GRID2: variants seen among roughly 807,000 people sequenced by gnomAD.
GRID2 encodes glutamate receptor ionotropic, delta-2.
In GRID2, 33 loss-of-function variants were observed where a neutral mutation model predicts 114.8. The ratio of observed to expected loss-of-function variants is 0.29; its 90% CI spans 0.22 to 0.38. The LOEUF (loss-of-function observed/expected upper bound fraction) is 0.38, where lower values mean the gene tolerates loss of function less well. Among genes scored for constraint, GRID2 ranks in the 10% least tolerant of loss-of-function variants. The pLI, the probability that GRID2 is intolerant of heterozygous loss-of-function variation, is 1.00. For missense variants in GRID2, 1,184 were observed against 1,257.7 expected (o/e 0.94, Z 0.89); for synonymous variants, 505 against 449.9 (o/e 1.12, Z -1.55).
chr4:93,259,236 G>A (rs751538522), intron 8 of GRID2, among the ~76,000 whole-genome samples: 22 of 151,774 alleles, frequency 1.4e-4, no homozygotes, highest in Non-Finnish European at 2.4e-4. Flanking sequence ...GCACCATGCA[G>A]AATTAAGATC....
intron 12 of GRID2, among the ~76,000 whole-genome samples, chr4:93,514,860 T>C (rs1280221350): frequency 6.6e-6 from 1 of 152,220 alleles, no homozygotes; most frequent in Non-Finnish European, 1.5e-5. Context: ...TTGAAAGTTT[T>C]TTAAATTACT....
chr4:93,453,356 G>GAGAGAGAGAA (rs1256895951), intron 10 of GRID2, among the ~76,000 whole-genome samples: 1 of 129,086 alleles, frequency 7.7e-6, no homozygotes, highest in African/African-American at 2.7e-5. Flanking sequence ...GAGAGAGAGA[G>GAGAGAGAGAA]AGAGTGTGTG....
At chr4:92,470,123 TG>T (rs1721961071) in intron 1 of GRID2, among the ~76,000 whole-genome samples, 1 of 151,850 alleles carries the variant, frequency 6.6e-6, no homozygotes, top group Admixed American at 6.6e-5. Flanking sequence ...TAACACAGGA[TG>T]GACTAGAAGA....
In GRID2 at chr4:92,748,667, A is replaced by C. The variant is rs531044629; in HGVS notation, c.244+158381A>C. ...TATTATTATTATTATTATTATTATT[A>C]TTATTATTATTTGAGATGGAGTTTC... On this transcript the variant is annotated intron_variant, in intron 2 of 15. Coordinates refer to ENST00000282020, the MANE Select transcript of GRID2 (RefSeq NM_001510.4). Among the ~76,000 whole-genome samples the C allele has an allele frequency of 2.4e-3, 345 of 143,806 alleles. 1 individual carries two copies. The highest frequency in any genetic ancestry group is 3.3e-3 in the Non-Finnish European group (217 of 66,030). The allele number at this position is 143,806 out of a possible 152,430, so 94.3% of individuals were successfully genotyped here.
chr4:93,688,484 A>G (rs1275871598), intron 14 of GRID2, among the ~76,000 whole-genome samples: 2 of 152,072 alleles, frequency 1.3e-5, no homozygotes, highest in Non-Finnish European at 2.9e-5. Flanking sequence ...TTCAAAAGGT[A>G]AAACCATTTT....
intron 2 of GRID2, among the ~76,000 whole-genome samples, chr4:92,999,214 G>A (rs539181237): frequency 6.6e-5 from 10 of 151,792 alleles, no homozygotes; most frequent in Admixed American, 2.0e-4. Context: ...TTATTCTTGT[G>A]TACTTTTCTA....
At chr4:92,566,279 T>G (rs1727330285) in intron 1 of GRID2, among the ~76,000 whole-genome samples, 1 of 151,968 alleles carries the variant, frequency 6.6e-6, no homozygotes, top group Non-Finnish European at 1.5e-5. Context: ...AATATGGAAA[T>G]ATTTCTGTTT....
chr4:93,189,782 C>T (rs1044179669), intron 4 of GRID2, among the ~76,000 whole-genome samples: 8 of 140,746 alleles, frequency 5.7e-5, no homozygotes, highest in Admixed American at 5.0e-4. Flanking sequence ...ACCACACACA[C>T]ACACACACAC....
chr4:93,305,533 T>C (rs1462483343), intron 8 of GRID2, among the ~76,000 whole-genome samples: 1 of 152,132 alleles, frequency 6.6e-6, no homozygotes, highest in Non-Finnish European at 1.5e-5. Context: ...GAGAGAGGTT[T>C]AATTGAAGAA....
At chr4:93,538,409 A>G (rs1732318435) in intron 13 of GRID2, among the ~76,000 whole-genome samples, 1 of 151,828 alleles carries the variant, frequency 6.6e-6, no homozygotes. Flanking sequence ...TTGAATAAAA[A>G]AAGTGGGAGA....
chr4:92,482,032 AT>A (rs1478097612), intron 1 of GRID2, among the ~76,000 whole-genome samples: 128 of 72,680 alleles, frequency 1.8e-3, no homozygotes, highest in African/African-American at 2.8e-3. Flanking sequence ...ATATATATAT[AT>A]AAAATAACAA....
intron 2 of GRID2, among the ~76,000 whole-genome samples, chr4:92,856,788 A>T (rs987716707): frequency 6.6e-6 from 1 of 152,168 alleles, no homozygotes. Flanking sequence ...TTAACTTCTC[A>T]CCATTGCAGG....
chr4:92,662,590 T>TAA (rs533754139), intron 2 of GRID2, among the ~76,000 whole-genome samples: 7 of 144,726 alleles, frequency 4.8e-5, no homozygotes, highest in African/African-American at 1.5e-4. Context: ...GGATAAAGAA[T>TAA]AAAAAAAAAA....
intron 2 of GRID2, among the ~76,000 whole-genome samples, chr4:92,593,928 AG>A (rs1728828211): frequency 6.7e-6 from 1 of 150,182 alleles, no homozygotes; most frequent in Non-Finnish European, 1.5e-5. Flanking sequence ...AAATACAAAA[AG>A]AAAAAAAAAA....
intron 1 of GRID2, among the ~76,000 whole-genome samples, chr4:92,504,468 G>T (rs946610685): frequency 6.6e-6 from 1 of 152,030 alleles, no homozygotes; most frequent in East Asian, 1.9e-4. Context: ...AATATGTTGA[G>T]ATTGACTCCA....
chr4:93,323,359 A>T (rs886810730), intron 8 of GRID2, among the ~76,000 whole-genome samples: 2 of 152,074 alleles, frequency 1.3e-5, no homozygotes, highest in East Asian at 3.9e-4. Context: ...CTGGTTGTAG[A>T]TGTGTGGTAT....
Position 92,847,871 on chromosome 4 carries a change from T to C in GRID2, c.245-237124T>C, listed in dbSNP as rs539471559. Among the ~76,000 whole-genome samples the C allele has an allele frequency of 4.4e-4, 67 of 152,106 alleles. 1 individual carries two copies. Among genetic ancestry groups the C allele is most frequent in the African/African-American group, 1.4e-3 (57 of 41,548 alleles). ...CTAAAATACTTATATAATAATGATA[T>C]ATATGTTTTTATTCAGTAGACAGTA... On this transcript the variant is annotated intron_variant, in intron 2 of 15. Coordinates refer to ENST00000282020, the MANE Select transcript of GRID2 (RefSeq NM_001510.4).
intron 1 of GRID2, among the ~76,000 whole-genome samples, chr4:92,306,603 T>A (rs554455775): frequency 8.5e-4 from 130 of 152,232 alleles, no homozygotes; most frequent in Non-Finnish European, 1.5e-3. Flanking sequence ...ATGCTTTTTT[T>A]AAATCGCTTA....
chr4:93,555,251 G>A (rs56192741), intron 13 of GRID2, among the ~76,000 whole-genome samples: 19,943 of 152,054 alleles, frequency 0.13, 2,493 homozygotes, highest in African/African-American at 0.33. Context: ...GAATGCCAGC[G>A]AGACAGAACC....
Sources: gnomAD v4.1 joint callset for allele counts (sites outside exome capture counted in the v4.1 genomes callset) on GRCh38, gnomAD v4.1.1 for gene constraint, MANE v1.5 for transcripts, NCBI Gene and HGNC (gene_info 2026-07-23, HGNC 2026-07-21) for gene names.